MECR: variants seen among roughly 807,000 people sequenced by gnomAD.
MECR encodes mitochondrial trans-2-enoyl-CoA reductase.
Under a neutral mutation model 49.1 loss-of-function variants are expected in MECR, and 37 were observed. The observed-to-expected ratio is 0.75, with a 90% CI of 0.58 to 0.99. MECR has a LOEUF of 0.99. Among genes scored for constraint, MECR ranks in the 50% least tolerant of loss-of-function variants. MECR has a pLI of 0.00. For synonymous variants in MECR, 198 were observed against 191.1 expected (o/e 1.04, Z -0.30); for missense variants, 470 against 479.6 (o/e 0.98, Z 0.19).
At chr1:29,185,486 G>A in the MECR span, among the ~76,000 whole-genome samples, 2 of 152,040 alleles carry the variant, frequency 1.3e-5, no homozygotes, top group African/African-American at 2.4e-5. Flanking sequence ...CACGATCCCC[G>A]CTCACTGCAA....
intron 9 of MECR, among the ~76,000 whole-genome samples, chr1:29,194,387 A>G: frequency 6.6e-6 from 1 of 152,142 alleles, no homozygotes; most frequent in East Asian, 1.9e-4. Context: ...AGAGGGGAAC[A>G]TAGGAGCGGC....
intron 7 of MECR, 112 bp downstream of exon 7, chr1:29,200,404 G>A (rs1675024695): frequency 2.1e-6 from 2 of 952,372 alleles, no homozygotes; most frequent in East Asian, 2.7e-5. Context: ...TCAACATTGT[G>A]CTGACCTGGA....
Position 29,201,342 on chromosome 1 carries a change from A to G in MECR, c.756+601T>C, listed in dbSNP as rs1041813056. ...TGTCTTTGGTTCCTCCAGATGGTTC[A>G]GTGAAAAGGGGCTGAGGGTCTGGTC... On this transcript the variant is annotated intron_variant, in intron 6 of 9. Transcript: ENST00000263702. The surrounding 1 kb of genome is among the most constrained non-coding windows in gnomAD (Gnocchi z 4.3). The G allele has an allele frequency of 1.9e-6, 1 of 523,414 alleles. No individual in the cohort carries two copies. The highest frequency in any genetic ancestry group is 3.2e-4 in the Middle Eastern group (1 of 3,090). The allele number at this position is 523,414 out of a possible 1,614,324, so 32.4% of individuals were successfully genotyped here. A position where few individuals can be genotyped will look rare whatever the true frequency, so the allele number is the denominator to read the frequency against.
chr1:29,216,088 C>T lies in MECR; in HGVS notation c.323G>A (p.Gly108Asp), dbSNP rs1404730152. ...PELPAVGGNE[G>D]VAQVVAVGSN... ...GCCCACCGCTACCACCTGTGCAACA[C>T]CTTCGTTCCCTCCAACAGCAGGCAG... The change falls in exon 3 of 10, where the codon GGT (glycine) becomes GAT (aspartate). Residue 108 changes from glycine (G) to aspartate (D), a missense_variant. By Grantham distance (94) the Gly-to-Asp change is moderately conservative (BLOSUM62 -1). Transcript: ENST00000263702. The T allele has an allele frequency of 1.2e-6, 2 of 1,614,102 alleles. No individual in the cohort carries two copies. Among genetic ancestry groups the T allele is most frequent in the Admixed American group, 3.3e-5 (2 of 60,020 alleles).
intron 3 of MECR, 50 bp from the exon 4 acceptor site, chr1:29,206,955 T>A (rs565552808): frequency 2.5e-6 from 4 of 1,603,560 alleles, no homozygotes; most frequent in South Asian, 2.2e-5. Context: ...CCTGTGCACA[T>A]TCAACCCCAG....
chr1:29,184,922 C>G, the MECR span, among the ~76,000 whole-genome samples: 1 of 152,212 alleles, frequency 6.6e-6, no homozygotes, highest in East Asian at 1.9e-4. Context: ...GCCAGGAGTT[C>G]GAGACCAGTC....
chr1:29,177,456 T>C, the MECR span, among the ~76,000 whole-genome samples: 2 of 152,240 alleles, frequency 1.3e-5, no homozygotes, highest in Middle Eastern at 3.4e-3. Flanking sequence ...TAACTTTGTA[T>C]TTTTAGTAGA....
At chr1:29,182,937 T>C in the MECR span, among the ~76,000 whole-genome samples, 10 of 152,252 alleles carry the variant, frequency 6.6e-5, no homozygotes. Context: ...TATGTGAAAG[T>C]ACTTGGAACA....
the MECR span, chr1:29,170,503 T>A: frequency 1.1e-4 from 17 of 152,188 alleles, no homozygotes; most frequent in Non-Finnish European, 2.2e-4. Context: ...CTTGGCTGTA[T>A]GAGGCACCAT....
the MECR span, among the ~76,000 whole-genome samples, chr1:29,184,894 G>A: frequency 6.6e-6 from 1 of 152,200 alleles, no homozygotes; most frequent in African/African-American, 2.4e-5. Flanking sequence ...GGAGGCCGAG[G>A]TGGGTGGATC....
At chr1:29,200,110 C>T (rs1272164746) in intron 7 of MECR, among the ~76,000 whole-genome samples, 1 of 152,052 alleles carries the variant, frequency 6.6e-6, no homozygotes, top group African/African-American at 2.4e-5. Context: ...TACATGTTTT[C>T]AAAATGTTTT....
At chr1:29,174,827 T>C in the MECR span, among the ~76,000 whole-genome samples, 1 of 151,558 alleles carries the variant, frequency 6.6e-6, no homozygotes. Context: ...GCGTGCGCCA[T>C]CATGCCCAGC....
At chr1:29,171,297 C>T in the MECR span, 1 of 151,586 alleles carries the variant, frequency 6.6e-6, no homozygotes, top group South Asian at 2.1e-4. Flanking sequence ...AGACTAAAGG[C>T]TGAACAAGCC....
the MECR span, chr1:29,172,154 A>G: frequency 6.6e-6 from 1 of 152,198 alleles, no homozygotes; most frequent in Non-Finnish European, 1.5e-5. Flanking sequence ...TAATAAAAAA[A>G]AATTTGATCA....
chr1:29,169,641 A>G, the MECR span: 1 of 152,218 alleles, frequency 6.6e-6, no homozygotes, highest in Non-Finnish European at 1.5e-5. Flanking sequence ...CAAATATATC[A>G]GTGGGAAAAT....
At chr1:29,219,619 AT>A (rs898085092) in intron 1 of MECR, among the ~76,000 whole-genome samples, 2 of 152,160 alleles carry the variant, frequency 1.3e-5, no homozygotes, top group African/African-American at 4.8e-5. Context: ...CATTTCATAC[AT>A]TTTTTGTCAA....
At chr1:29,200,618 A>G (rs1037485489) in intron 6 of MECR, 29 bp from the exon 7 acceptor site, 3 of 1,602,972 alleles carry the variant, frequency 1.9e-6, no homozygotes, top group Non-Finnish European at 1.7e-6. Flanking sequence ...GCAGTGAGGG[A>G]GCATCCCCGC....
At chr1:29,207,999 T>C (rs77109435) in intron 3 of MECR, among the ~76,000 whole-genome samples, 1 of 149,616 alleles carries the variant, frequency 6.7e-6, no homozygotes, top group Non-Finnish European at 1.5e-5. Flanking sequence ...ACTCACATGT[T>C]TTTTTTTTTT....
At chr1:29,199,210 A>G (rs116453893) in intron 7 of MECR, among the ~76,000 whole-genome samples, 270 of 152,250 alleles carry the variant, frequency 1.8e-3, no homozygotes, top group African/African-American at 6.5e-3. Flanking sequence ...CTTTTTACAC[A>G]CACTCTAGCT....
Sources: gnomAD v4.1 joint callset for allele counts (sites outside exome capture counted in the v4.1 genomes callset) on GRCh38, gnomAD v4.1.1 for gene constraint, Gnocchi (gnomAD v3.1) non-coding constraint, MANE v1.5 for transcripts, NCBI Gene and HGNC (gene_info 2026-07-23, HGNC 2026-07-21) for gene names.